The following PDE2A variants were observed in gnomAD, a reference collection of about 807,000 sequenced individuals.
The protein encoded by PDE2A is cGMP-dependent 3',5'-cyclic phosphodiesterase.
Under a neutral mutation model 133.6 loss-of-function variants are expected in PDE2A, and 53 were observed. The ratio of observed to expected loss-of-function variants is 0.40; its 90% confidence interval spans 0.32 to 0.50. The LOEUF (loss-of-function observed/expected upper bound fraction) is 0.50. Ranked by LOEUF, PDE2A falls within the 20% of genes least tolerant of loss-of-function variation. The pLI is 0.73. For missense variants in PDE2A, 796 were observed against 1,232.4 expected, an observed-to-expected ratio of 0.65 and a Z score of 5.30; for synonymous variants, 491 against 490.2, an observed-to-expected ratio of 1.00 and a Z score of -0.02.
intron 2 of PDE2A, among the ~76,000 whole-genome samples, chr11:72,642,052 G>A (rs752696304): frequency 2.6e-5 from 4 of 152,252 alleles, no homozygotes; most frequent in Non-Finnish European, 5.9e-5. Flanking sequence ...GATCCGAAAG[G>A]AGTTCAGAGT....
At chr11:72,614,995 C>T in intron 2 of PDE2A, 3 of 402,452 alleles carry the variant, frequency 7.5e-6, no homozygotes, top group South Asian at 1.7e-5. Context: ...CCTCTACTTA[C>T]CCCCTCCCGC....
At position 72,634,477 on chromosome 11, in the gene PDE2A, C is replaced by T. The variant is rs79803872; in HGVS notation, c.144+7777G>A. ...AATCAGGAAGCCTGATTTCAGGCCC[C>T]GTTGTGCTGTGTGACCAGGGCCAGC... is the stretch of plus-strand genomic sequence containing the variant. On this transcript the variant is annotated intron_variant, in intron 2 of 30. Transcript: ENST00000334456. Among the ~76,000 whole-genome samples, 761 of 152,300 alleles carry T rather than the reference C, an allele frequency of 5.0e-3. 6 individuals are homozygous for T. Among genetic ancestry groups the T allele is most frequent in the African/African-American group, 0.017 (708 of 41,542 alleles).
chr11:72,587,595 C>A (rs1257862121), intron 13 of PDE2A, among the ~76,000 whole-genome samples: 5 of 152,222 alleles, frequency 3.3e-5, no homozygotes, highest in Non-Finnish European at 5.9e-5. Flanking sequence ...CTGCTGGACC[C>A]CCATTCACTC....
intron 2 of PDE2A, among the ~76,000 whole-genome samples, chr11:72,639,965 AC>A (rs1362859443): frequency 6.6e-6 from 1 of 151,968 alleles, no homozygotes; most frequent in African/African-American, 2.4e-5. Flanking sequence ...CATTCCTCAC[AC>A]ACACCTCATG....
chr11:72,620,927 A>G (rs1040557724), intron 2 of PDE2A, among the ~76,000 whole-genome samples: 3 of 151,946 alleles, frequency 2.0e-5, no homozygotes, highest in Admixed American at 1.3e-4. Flanking sequence ...GCGCACCTTC[A>G]CTGTGCTCCT....
In PDE2A at chr11:72,581,889, G is replaced by A. The variant is rs1380350373; in HGVS notation, c.1910C>T (p.Pro637Leu). 1.2e-5 allele frequency: 19 copies of A among 1,613,750 alleles called. No homozygotes were observed. Among genetic ancestry groups the A allele is most frequent in the Non-Finnish European group, 1.4e-5 (16 of 1,179,884 alleles). Residue 637 changes from proline to leucine, a missense_variant, in exon 22 of 31, where the codon CCG becomes CTG. This residue lies in a region of PDE2A where 218 missense variants were observed against 465.9 expected (regional missense o/e 0.47). Transcript: ENST00000334456. Reference sequence around the variant, plus strand: ...TGGGCGCACGAACCGGGCCAGGGTCGGGCAGTCAATTTTGTAGTTGTTGAT... The same window carrying A: ...TGGGCGCACGAACCGGGCCAGGGTCAGGCAGTCAATTTTGTAGTTGTTGAT... Reference protein sequence around the residue: ...NFINNYKIDCPTLARFCLMVK... With the variant: ...NFINNYKIDCLTLARFCLMVK...
At chr11:72,585,082 T>C in intron 16 of PDE2A, 138 bp from the exon 17 acceptor site, 2 of 811,204 alleles carry the variant, frequency 2.5e-6, no homozygotes, top group Non-Finnish European at 4.0e-6. Context: ...CAGGGCTGGC[T>C]GGCTCCAGAA....
In PDE2A at chr11:72,581,461, C is replaced by G. The variant is rs765023326; in HGVS notation, c.1941G>C (p.Lys647Asn). 1 of 1,600,550 alleles carries G rather than the reference C, an allele frequency of 6.2e-7. No individual in the cohort carries two copies. Among genetic ancestry groups the G allele is most frequent in the Non-Finnish European group, 8.5e-7 (1 of 1,174,506 alleles). ...GGTAGGGGGGATCCCGGTAGCCCTT[C>G]TTCACCATCAAACAGAACCTGGGGG... Reference protein sequence around the residue: ...PTLARFCLMVKKGYRDPPYHN... With the variant: ...PTLARFCLMVNKGYRDPPYHN... The change falls in exon 23 of 31, where the codon AAG becomes AAC. Residue 647 changes from lysine to asparagine, a missense_variant. Physicochemically the swap from Lys to Asn is moderately conservative, Grantham distance 94. Transcript: ENST00000334456.
intron 2 of PDE2A, among the ~76,000 whole-genome samples, chr11:72,626,263 T>C (rs191872216): frequency 1.2e-4 from 18 of 152,314 alleles, no homozygotes; most frequent in African/African-American, 4.1e-4. Flanking sequence ...GGACAGTGGA[T>C]GGGCAGGCAG....
chr11:72,589,291 G>A, intron 11 of PDE2A, 51 bp from the exon 12 acceptor site: 1 of 1,395,778 alleles, frequency 7.2e-7, no homozygotes, highest in South Asian at 1.2e-5. Context: ...CCAGGTCAGG[G>A]GATCTCAACC....
At chr11:72,648,961 T>G (rs1441762235) in intron 1 of PDE2A, among the ~76,000 whole-genome samples, 1 of 152,172 alleles carries the variant, frequency 6.6e-6, no homozygotes, top group Non-Finnish European at 1.5e-5. Context: ...TGCCTCCTCT[T>G]CGATGCCCAC....
At chr11:72,673,791 C>T (rs1402187391) in intron 1 of PDE2A, among the ~76,000 whole-genome samples, 1 of 151,824 alleles carries the variant, frequency 6.6e-6, no homozygotes, top group African/African-American at 2.4e-5. Context: ...GAGAGCTCCT[C>T]CCAACTACTT....
chr11:72,655,656 T>G (rs1300536466), intron 1 of PDE2A, among the ~76,000 whole-genome samples: 1 of 152,126 alleles, frequency 6.6e-6, no homozygotes, highest in Non-Finnish European at 1.5e-5. Context: ...TCACTTAACC[T>G]CTCTGAGCCT....
At position 72,674,161 on chromosome 11, in the gene PDE2A, T is replaced by A; in HGVS notation, c.47A>T (p.Tyr16Phe). 6.2e-7 allele frequency: 1 copy of A among 1,612,940 alleles called. No homozygotes were observed. ...GHSILCRSQQ[Y>F]PAARPAEPRG... The stretch of plus-strand genomic sequence containing the variant: ...CGGCTCAGCCGGTCGCGCTGCCGGG[T>A]ACTGCTGGCTCCTGCAGAGGATGGA... Residue 16 changes from tyrosine (Y) to phenylalanine (F), a missense_variant, in exon 1 of 31, where the codon TAC (tyrosine) becomes TTC (phenylalanine). Transcript: ENST00000334456.
At chr11:72,628,195 G>A (rs79147547) in intron 2 of PDE2A, among the ~76,000 whole-genome samples, 41 of 152,220 alleles carry the variant, frequency 2.7e-4, no homozygotes, top group Non-Finnish European at 5.7e-4. Flanking sequence ...ACAGAGAGGA[G>A]GCTAACTCTC....
intron 27 of PDE2A, 133 bp downstream of exon 27, chr11:72,579,151 T>TG (rs528135813): frequency 2.1e-3 from 1,973 of 944,300 alleles, no homozygotes; most frequent in Non-Finnish European, 2.7e-3. Flanking sequence ...TGGGTCTGCC[T>TG]GGGGGGGGCC....
intron 6 of PDE2A, among the ~76,000 whole-genome samples, chr11:72,595,438 C>A (rs567624211): frequency 1.2e-4 from 18 of 151,936 alleles, no homozygotes; most frequent in African/African-American, 4.1e-4. Flanking sequence ...GAGCAGCTTG[C>A]GGAGAAACCA....
At chr11:72,646,827 C>T (rs560017575) in intron 1 of PDE2A, among the ~76,000 whole-genome samples, 22 of 152,344 alleles carry the variant, frequency 1.4e-4, no homozygotes, top group African/African-American at 3.8e-4. Context: ...ATCTGCCTGC[C>T]AATATCATAC....
At chr11:72,616,764 G>A (rs1046564765) in intron 2 of PDE2A, among the ~76,000 whole-genome samples, 7 of 152,218 alleles carry the variant, frequency 4.6e-5, no homozygotes, top group Non-Finnish European at 8.8e-5. Context: ...CGTGCAGACC[G>A]GGTGGGGGCA....
Sources: allele counts gnomAD v4.1 joint callset (sites outside exome capture counted in the v4.1 genomes callset), GRCh38; gene constraint gnomAD v4.1.1; regional missense constraint gnomAD v4.1.1; transcripts MANE v1.5; gene names NCBI Gene and HGNC (gene_info 2026-07-23, HGNC 2026-07-21).